Variants in DNAH8 observed in about 807,000 individuals in gnomAD.
DNAH8 encodes dynein axonemal heavy chain 8.
Under a neutral mutation model 562.1 loss-of-function variants are expected in DNAH8, and 382 were observed. The observed-to-expected ratio is 0.68, with a 90% CI of 0.63 to 0.74. The LOEUF is 0.74. DNAH8 is among the 30% of genes least tolerant of loss of function. DNAH8 has a pLI of 0.00. For missense variants in DNAH8, 5,203 were observed against 5,620.4 expected (o/e 0.93, Z 2.37); for synonymous variants, 1,881 against 1,919.4 (o/e 0.98, Z 0.52).
intron 3 of DNAH8, among the ~76,000 whole-genome samples, chr6:38,725,192 A>G (rs1194283772): frequency 6.6e-6 from 1 of 151,490 alleles, no homozygotes; most frequent in African/African-American, 2.4e-5. Context: ...AGTCCCAGCT[A>G]CTCAGGAGGC....
Position 38,887,007 on chromosome 6 carries a change from A to G in DNAH8, c.8473+3A>G. The G allele has an allele frequency of 5.7e-6, 9 of 1,580,430 alleles. No individual in the cohort carries two copies. Among genetic ancestry groups the G allele is most frequent in the Non-Finnish European group, 7.8e-6 (9 of 1,149,748 alleles). ...TGCTTCAATAGACAAAATTTTTGGTATGAATATTCTTAGCGTTTATTTTAT... is the reference window on the plus strand; with the variant it reads ...TGCTTCAATAGACAAAATTTTTGGTGTGAATATTCTTAGCGTTTATTTTAT... On this transcript the variant is annotated splice_donor_region_variant and intron_variant, in intron 57 of 92. Coordinates refer to ENST00000327475, the MANE Select transcript of DNAH8 (RefSeq NM_001206927.2).
chr6:38,883,020 T>G lies in DNAH8; in HGVS notation c.7969T>G (p.Phe2657Val). 1 of 1,601,528 alleles carries G rather than the reference T, an allele frequency of 6.2e-7. No homozygotes were observed. The highest frequency in any genetic ancestry group is 8.5e-7 in the Non-Finnish European group (1 of 1,175,996). The part of the protein sequence containing the change: ...VPNVDNIRTN[F>V]LIDTIAKQHK... ...AAATGTTGACAATATTAGAACAAAT[T>G]TTTTGATAGACACCATTGCAAAACA... Residue 2657 changes from phenylalanine (F) to valine (V), a missense_variant, in exon 54 of 93, where the codon TTT (phenylalanine) becomes GTT (valine). Phe to Val is a conservative substitution (Grantham distance 50). Coordinates refer to ENST00000327475, the MANE Select transcript of DNAH8 (RefSeq NM_001206927.2).
chr6:38,840,908 AT>A (rs1012898914), intron 33 of DNAH8, among the ~76,000 whole-genome samples: 2 of 150,498 alleles, frequency 1.3e-5, no homozygotes, highest in Non-Finnish European at 1.5e-5. Flanking sequence ...TGCAGTAGTC[AT>A]TTTTTTTTCA....
chr6:38,761,170 T>C (rs1312938642), intron 10 of DNAH8, among the ~76,000 whole-genome samples: 1 of 150,760 alleles, frequency 6.6e-6, no homozygotes, highest in East Asian at 1.9e-4. Flanking sequence ...GCAGGTTTGT[T>C]ACATATGTAT....
intron 12 of DNAH8, among the ~76,000 whole-genome samples, chr6:38,772,669 T>C (rs936737888): frequency 6.6e-6 from 1 of 152,194 alleles, no homozygotes; most frequent in Non-Finnish European, 1.5e-5. Flanking sequence ...ACTTTCTTGA[T>C]GGTGTCCTTT....
At chr6:38,869,651 T>C (rs888002121) in intron 48 of DNAH8, among the ~76,000 whole-genome samples, 27 of 152,196 alleles carry the variant, frequency 1.8e-4, no homozygotes, top group African/African-American at 6.3e-4. Context: ...TTGCAGCCAT[T>C]GTTGGATGAA....
At chr6:38,843,346 CT>C (rs35702898) in intron 35 of DNAH8, among the ~76,000 whole-genome samples, 1 of 149,432 alleles carries the variant, frequency 6.7e-6, no homozygotes, top group Non-Finnish European at 1.5e-5. Flanking sequence ...TGTGGCCAAT[CT>C]TTTTTTTTCA....
chr6:38,898,365 G>A lies in DNAH8; in HGVS notation c.9048G>A (p.Met3016Ile). 1 of 1,574,580 alleles carries A rather than the reference G, an allele frequency of 6.4e-7. No homozygotes were observed. The highest frequency in any genetic ancestry group is 8.6e-7 in the Non-Finnish European group (1 of 1,166,796). ...ATCTGGTGTTTTTTAAAGATGCAAT[G>A]ACTCATCTTATTAAGGTCCTAACTA... ...SLDLVFFKDA[M>I]THLIKISRII... The change falls in exon 61 of 93, where the codon ATG becomes ATA. Residue 3016 changes from methionine (M) to isoleucine (I), a missense_variant. By Grantham distance (10) the Met-to-Ile change is conservative. Around this residue, in one of 6 missense-constraint regions of DNAH8, gnomAD observed 977 missense variants for 1,061.8 expected, o/e 0.92. Coordinates refer to ENST00000327475, the MANE Select transcript of DNAH8 (RefSeq NM_001206927.2).
intron 31 of DNAH8, among the ~76,000 whole-genome samples, chr6:38,832,967 G>A (rs773245433): frequency 3.3e-5 from 5 of 152,060 alleles, no homozygotes; most frequent in East Asian, 1.9e-4. Flanking sequence ...TTGGAAGGCC[G>A]TGAGAAACTA....
Position 38,741,878 on chromosome 6 carries a change from A to G in DNAH8, c.1284A>G (p.Lys428=), listed in dbSNP as rs1435634863. 6.2e-7 allele frequency: 1 copy of G among 1,610,186 alleles called. No homozygotes were observed. The highest frequency in any genetic ancestry group is 1.1e-5 in the South Asian group (1 of 89,652). ...VINVLNVAHS[K]LLKNWRDLDA... ...ATGTGCTAAATGTTGCACACTCCAAACTGCTAAAGGTAAAAGGCTTTTTAT... is the reference window on the plus strand; with the variant it reads ...ATGTGCTAAATGTTGCACACTCCAAGCTGCTAAAGGTAAAAGGCTTTTTAT... Residue 428 remains lysine, a synonymous_variant, in exon 8 of 93, where the codon AAA becomes AAG. Coordinates refer to ENST00000327475, the MANE Select transcript of DNAH8 (RefSeq NM_001206927.2).
intron 91 of DNAH8, among the ~76,000 whole-genome samples, chr6:39,016,598 G>A (rs4714208): frequency 0.81 from 122,112 of 151,676 alleles, 49,837 homozygotes; most frequent in Middle Eastern, 0.88. Context: ...GTAAAACACA[G>A]TGCAGTTTGT....
chr6:38,918,266 T>G (rs911690950), intron 70 of DNAH8, 126 bp downstream of exon 70: 24 of 634,302 alleles, frequency 3.8e-5, no homozygotes, highest in Non-Finnish European at 2.6e-5. Flanking sequence ...ACCAAATTTG[T>G]CTTTTTTCTC....
chr6:38,762,368 T>C (rs533160113), intron 11 of DNAH8, among the ~76,000 whole-genome samples: 3 of 152,364 alleles, frequency 2.0e-5, no homozygotes, highest in African/African-American at 7.2e-5. Flanking sequence ...ATGTGATAGA[T>C]GACATTTTTA....
At chr6:39,024,227 A>G (rs1767124694) in intron 91 of DNAH8, among the ~76,000 whole-genome samples, 2 of 152,224 alleles carry the variant, frequency 1.3e-5, no homozygotes, top group South Asian at 4.1e-4. Context: ...TAATTATTCA[A>G]CTTGTACAAA....
intron 85 of DNAH8, among the ~76,000 whole-genome samples, chr6:38,982,087 G>A (rs1334439511): frequency 6.6e-6 from 1 of 152,200 alleles, no homozygotes; most frequent in African/African-American, 2.4e-5. Flanking sequence ...ATGTAGCCTA[G>A]GTGCGTATAG....
Position 38,898,276 on chromosome 6 carries a change from C to G in DNAH8, c.8959C>G (p.Leu2987Val). 6.3e-7 allele frequency: 1 copy of G among 1,591,040 alleles called. No homozygotes were observed. Among genetic ancestry groups the G allele is most frequent in the Non-Finnish European group, 8.5e-7 (1 of 1,172,720 alleles). Reference sequence around the variant, plus strand: ...CCCATAGATGCCATCCTTTGACTTTCTGGCTGAAAAACTCCAGTTTTACCA... The same window carrying G: ...CCCATAGATGCCATCCTTTGACTTTGTGGCTGAAAAACTCCAGTTTTACCA... ...IYELMPSFDF[L>V]AEKLQFYQRQ... Residue 2987 changes from leucine (L) to valine (V), a missense_variant, in exon 61 of 93, where the codon CTG (leucine) becomes GTG (valine). Transcript: ENST00000327475.
chr6:38,789,858 A>G lies in DNAH8; in HGVS notation c.2639A>G (p.Asn880Ser). 1 of 1,613,074 alleles carries G rather than the reference A, an allele frequency of 6.2e-7. No homozygotes were observed. Among genetic ancestry groups the G allele is most frequent in the Non-Finnish European group, 8.5e-7 (1 of 1,179,366 alleles). The change falls in exon 19 of 93, where the codon AAT (asparagine) becomes AGT (serine). Residue 880 changes from asparagine to serine, a missense_variant. This residue lies in a region of DNAH8 where 2,176 missense variants were observed against 2,365.1 expected (regional missense o/e 0.92). Transcript: ENST00000327475. ...CAGGAAGTGCCTTCTGTGTTTGTCAATCTGATGACCCCAAAAATGAAAAAG... is the reference window on the plus strand; with the variant it reads ...CAGGAAGTGCCTTCTGTGTTTGTCAGTCTGATGACCCCAAAAATGAAAAAG... The part of the protein sequence containing the change: ...LCQEVPSVFV[N>S]LMTPKMKKVE...
At chr6:39,012,406 T>G in intron 90 of DNAH8, 39 bp downstream of exon 90, 1 of 1,608,070 alleles carries the variant, frequency 6.2e-7, no homozygotes, top group Non-Finnish European at 8.5e-7. Flanking sequence ...TCCTTCTTTG[T>G]TGATGTTTCT....
At chr6:38,839,989 T>C (rs1261721174) in intron 33 of DNAH8, among the ~76,000 whole-genome samples, 2 of 152,198 alleles carry the variant, frequency 1.3e-5, no homozygotes, top group Non-Finnish European at 2.9e-5. Context: ...GAAGATTTAA[T>C]AATAATTTAA....
Sources: gnomAD v4.1 joint callset for allele counts (sites outside exome capture counted in the v4.1 genomes callset) on GRCh38, gnomAD v4.1.1 for gene constraint, gnomAD v4.1.1 regional missense constraint, MANE v1.5 for transcripts, NCBI Gene and HGNC (gene_info 2026-07-23, HGNC 2026-07-21) for gene names.